Variants in GHDC observed in about 807,000 individuals in gnomAD.
GHDC encodes the protein GH3 domain-containing protein.
A neutral mutation model predicts 51.5 loss-of-function variants in GHDC; 39 were observed. The ratio of observed to expected loss-of-function variants is 0.76; its 90% CI spans 0.59 to 0.99. The LOEUF (loss-of-function observed/expected upper bound fraction) is 0.99, where lower values mean the gene tolerates loss of function less well. Ranked by LOEUF, GHDC falls within the 50% of genes least tolerant of loss-of-function variation. The pLI is 0.00. For missense variants in GHDC, 610 were observed against 672.8 expected (o/e 0.91, Z 1.03); for synonymous variants, 282 against 305.2 (o/e 0.92, Z 0.79).
At chr17:42,190,440 GA>G (rs2079959278) in intron 8 of GHDC, 170 bp from the exon 9 acceptor site, 1 of 1,470,934 alleles carries the variant, frequency 6.8e-7, no homozygotes, top group Admixed American at 2.3e-5. Context: ...TCCTAAATAG[GA>G]GACAGATCAG....
At position 42,191,046 on chromosome 17, in the gene GHDC, C is replaced by T. The variant is rs2079964796; in HGVS notation, c.1054G>A (p.Val352Met). Residue 352 changes from valine (V) to methionine (M), a missense_variant, in exon 6 of 10, where the codon GTG (valine) becomes ATG (methionine). By Grantham distance (21) the Val-to-Met change is conservative. This residue lies in a region of GHDC where 412 missense variants were observed against 410.4 expected (regional missense o/e 1.00). Coordinates refer to ENST00000587427, the MANE Select transcript of GHDC (RefSeq NM_032484.5). The part of the protein sequence containing the change: ...EAQQGKEYEL[V>M]LTDRASLTRC... The stretch of plus-strand genomic sequence containing the variant: ...GTGAGGCTGGCGCGGTCCGTCAGCA[C>T]CAGCTCATACTCCTTGCCCTGCTGG... 11 of 1,584,860 alleles carry T rather than the reference C, an allele frequency of 6.9e-6. No individual in the cohort carries two copies. Among genetic ancestry groups the T allele is most frequent in the Non-Finnish European group, 9.4e-6 (11 of 1,166,430 alleles).
At chr17:42,190,435 A>T (rs2079959228) in intron 8 of GHDC, 165 bp from the exon 9 acceptor site, 2 of 1,478,452 alleles carry the variant, frequency 1.4e-6, no homozygotes, top group South Asian at 2.6e-5. Flanking sequence ...CTTGATCCTA[A>T]ATAGGAGACA....
Position 42,192,927 on chromosome 17 carries a change from G to T in GHDC, c.366C>A (p.Asp122Glu), listed in dbSNP as rs1410370155. 6.2e-7 allele frequency: 1 copy of T among 1,614,112 alleles called. No homozygotes were observed. The highest frequency in any genetic ancestry group is 2.2e-5 in the East Asian group (1 of 44,878). The change falls in exon 4 of 10, where the codon GAC becomes GAA. Residue 122 changes from aspartate to glutamate, a missense_variant. Around this residue, in one of 2 missense-constraint regions of GHDC, gnomAD observed 198 missense variants for 262.3 expected, o/e 0.75. Coordinates refer to ENST00000587427, the MANE Select transcript of GHDC (RefSeq NM_032484.5). ...TTACCTGCAGAGAGGCCTCCCCAAG[G>T]TCCTGGTTTGAGGTCGGGGGCAGTG... ...EQPLPPTSNQ[D>E]LGEASLQATL...
chr17:42,190,550 A>G (rs2079959830), intron 8 of GHDC, 74 bp downstream of exon 8: 1 of 1,516,294 alleles, frequency 6.6e-7, no homozygotes. Flanking sequence ...CTTTCCTAGC[A>G]GTCCCCTGGC....
At position 42,191,230 on chromosome 17, in the gene GHDC, T is replaced by A. The variant is rs995290997; in HGVS notation, c.890-20A>T. On this transcript the variant is annotated intron_variant, in intron 5 of 9. Coordinates refer to ENST00000587427, the MANE Select transcript of GHDC (RefSeq NM_032484.5). ...GCACCCCTGTGAAAGCAAAGCAGCCTCCTCAGCGTCTGCTGGTGCCATCGC... is the reference window on the plus strand; with the variant it reads ...GCACCCCTGTGAAAGCAAAGCAGCCACCTCAGCGTCTGCTGGTGCCATCGC... The A allele has an allele frequency of 1.3e-6, 2 of 1,481,878 alleles. No individual in the cohort carries two copies. Among genetic ancestry groups the A allele is most frequent in the Admixed American group, 5.3e-5 (2 of 37,952 alleles). 91.8% of individuals were successfully genotyped at this position (1,481,878 alleles called of 1,614,324 possible).
chr17:42,192,200 T>C (rs776563439), intron 5 of GHDC, 41 bp downstream of exon 5: 1 of 1,510,654 alleles, frequency 6.6e-7, no homozygotes, highest in South Asian at 1.4e-5. Context: ...ATGTGACCAC[T>C]GACCGTTGCC....
chr17:42,189,665 G>A lies in GHDC; in HGVS notation c.*38C>T. On this transcript the variant is annotated 3_prime_UTR_variant, in exon 10 of 10. Transcript: ENST00000587427. Reference sequence around the variant, plus strand: ...AGGTCCCAGAGGGAGGGGCGAGGTGGCCTCTGGGGGGAGCTGGGCGGTGGG... The same window carrying A: ...AGGTCCCAGAGGGAGGGGCGAGGTGACCTCTGGGGGGAGCTGGGCGGTGGG... The A allele has an allele frequency of 9.0e-7, 1 of 1,114,180 alleles. No individual in the cohort carries two copies. 69.0% of individuals were successfully genotyped at this position (1,114,180 alleles called of 1,614,324 possible).
In GHDC at chr17:42,190,881, G is replaced by C; in HGVS notation, c.1105C>G (p.Arg369Gly). The change falls in exon 7 of 10, where the codon CGA (arginine) becomes GGA (glycine). Residue 369 changes from arginine to glycine, a missense_variant. Arg to Gly is a moderately radical substitution (Grantham distance 125). Transcript: ENST00000587427. ...CACTGATTGTAGGCACCAACCACTC[G>C]CACCACATCACCCAGGCGGCACCTG... ...LTRCRLGDVV[R>G]VVGAYNQCPV... is the part of the protein sequence containing the mutation. 1 of 1,610,382 alleles carries C rather than the reference G, an allele frequency of 6.2e-7. No homozygotes were observed. The highest frequency in any genetic ancestry group is 8.5e-7 in the Non-Finnish European group (1 of 1,178,888).
chr17:42,192,484 C>T lies in GHDC; in HGVS notation c.646G>A (p.Asp216Asn), dbSNP rs1351416432. The change falls in exon 5 of 10, where the codon GAT (aspartate) becomes AAT (asparagine). Residue 216 changes from aspartate (D) to asparagine (N), a missense_variant. This residue lies in a region of GHDC where 412 missense variants were observed against 410.4 expected (regional missense o/e 1.00). Coordinates refer to ENST00000587427, the MANE Select transcript of GHDC (RefSeq NM_032484.5). ...ATCGCCCCAGCTAGCTCTTCACCAT[C>T]AGTCTCCAGGCCCAAGAAAACATCC... Reference protein sequence around the residue: ...LLDVFLGLETDGEELAGAIAA... With the variant: ...LLDVFLGLETNGEELAGAIAA... 6 of 1,613,752 alleles carry T rather than the reference C, an allele frequency of 3.7e-6. No individual in the cohort carries two copies. Among genetic ancestry groups the T allele is most frequent in the Non-Finnish European group, 4.2e-6 (5 of 1,180,034 alleles).
chr17:42,190,425 C>T (rs2079959124), intron 8 of GHDC, 155 bp from the exon 9 acceptor site: 7 of 1,505,876 alleles, frequency 4.6e-6, no homozygotes, highest in Non-Finnish European at 6.3e-6. Context: ...GAACCTAGAG[C>T]TTGATCCTAA....
In GHDC at chr17:42,193,025, T is replaced by C. The variant is rs761831641; in HGVS notation, c.268A>G (p.Ile90Val). 22 of 1,614,008 alleles carry C rather than the reference T, an allele frequency of 1.4e-5. No homozygotes were observed. In the East Asian group the frequency reaches 4.7e-4, roughly 34 times the overall value. ...PHCSLRRSTDISTFRNHLPLT... is the reference protein window; with the variant it reads ...PHCSLRRSTDVSTFRNHLPLT... ...GGGAGATGATTCCGGAAGGTGCTTA[T>C]GTCTATAGCCCCAATGACAACAGAA... Residue 90 changes from isoleucine to valine, a missense_variant and splice_region_variant, in exon 4 of 10, where the codon ATA becomes GTA. This residue lies in a region of GHDC where 198 missense variants were observed against 262.3 expected (regional missense o/e 0.75). Transcript: ENST00000587427.
At chr17:42,192,818 A>C in intron 4 of GHDC, 76 bp from the exon 5 acceptor site, 1 of 1,559,716 alleles carries the variant, frequency 6.4e-7, no homozygotes, top group Non-Finnish European at 8.6e-7. Flanking sequence ...TTCTTTGCCC[A>C]CCATGACTGG....
At position 42,191,143 on chromosome 17, in the gene GHDC, G is replaced by T; in HGVS notation, c.957C>A (p.Pro319=). ...CCTTGACTGGGAGCAGCTCGATAAA[G>T]GGGGCCCCAGGGGGCAGAAGGTAGA... ...HGLYLLPPGA[P]FIELLPVKEG... is the part of the protein sequence containing the mutation. The change falls in exon 6 of 10, where the codon CCC becomes CCA. Residue 319 remains proline (P), a synonymous_variant. Transcript: ENST00000587427. 1.3e-6 allele frequency: 2 copies of T among 1,551,430 alleles called. No homozygotes were observed. The highest frequency in any genetic ancestry group is 1.7e-6 in the Non-Finnish European group (2 of 1,152,766).
chr17:42,193,510 G>C lies in GHDC; in HGVS notation c.72C>G (p.Ser24=). ...PTLALLRQQR[S]QDARLSWLAG... is the part of the protein sequence containing the mutation. ...CAAGCCAGGACAGCCTGGCATCCTG[G>C]GACCGCTGCTGCCTGAGCAGGGCCA... is the stretch of plus-strand genomic sequence containing the variant. Residue 24 remains serine, a synonymous_variant, in exon 3 of 10, where the codon TCC becomes TCG. Coordinates refer to ENST00000587427, the MANE Select transcript of GHDC (RefSeq NM_032484.5). 1 of 1,551,422 alleles carries C rather than the reference G, an allele frequency of 6.4e-7. No individual in the cohort carries two copies. Among genetic ancestry groups the C allele is most frequent in the Non-Finnish European group, 8.7e-7 (1 of 1,148,420 alleles).
At chr17:42,193,986 C>T (rs532983557) in intron 1 of GHDC, 136 bp from the exon 2 acceptor site, 29 of 193,788 alleles carry the variant, frequency 1.5e-4, no homozygotes, top group Admixed American at 8.6e-4. Flanking sequence ...AGTTTGCAAC[C>T]GGCCTGAGCA....
intron 5 of GHDC, among the ~76,000 whole-genome samples, chr17:42,191,602 C>T (rs964361109): frequency 6.6e-6 from 1 of 151,452 alleles, no homozygotes. Flanking sequence ...AGATTACAGG[C>T]GCCTGCCACC....
At chr17:42,190,400 G>A (rs771844437) in intron 8 of GHDC, 130 bp from the exon 9 acceptor site, 15 of 1,550,240 alleles carry the variant, frequency 9.7e-6, no homozygotes, top group Non-Finnish European at 1.2e-5. Flanking sequence ...GGTGGGGAGT[G>A]GGGTAAATGG....
rs768790118 is a variant in GHDC at position 42,190,819 on chromosome 17, C to T, written c.1154+13G>A. On this transcript the variant is annotated intron_variant, in intron 7 of 9. Coordinates refer to ENST00000587427, the MANE Select transcript of GHDC (RefSeq NM_032484.5). ...ACACAAGGATGGCCCTTCAGCTCCCCGGGGTCACCTACCTGCAGATGAACC... is the reference window on the plus strand; with the variant it reads ...ACACAAGGATGGCCCTTCAGCTCCCTGGGGTCACCTACCTGCAGATGAACC... 43 of 1,613,552 alleles carry T rather than the reference C, an allele frequency of 2.7e-5. No individual in the cohort carries two copies. The South Asian group carries it at 3.2e-4, about 12-fold the overall frequency.
Position 42,191,174 on chromosome 17 carries a change from TG to T in GHDC, c.925del (p.His309MetfsTer45). 6.5e-7 allele frequency: 1 copy of T among 1,546,338 alleles called. No homozygotes were observed. ...CCCAGGGGGCAGAAGGTAGAGCCCA[TG>T]GGGCTGCTCTGGCTGTAGGTTTAGG... ...LGLNLQPEQPHGLYLLPPGAP... is the reference protein window; with the variant it reads ...LGLNLQPEQPXGLYLLPPGAP... On this transcript the variant is annotated frameshift_variant, in exon 6 of 10. Coordinates refer to ENST00000587427, the MANE Select transcript of GHDC (RefSeq NM_032484.5). LOFTEE classifies it high-confidence loss of function.
Sources: allele counts gnomAD v4.1 joint callset (sites outside exome capture counted in the v4.1 genomes callset), GRCh38; gene constraint gnomAD v4.1.1; regional missense constraint gnomAD v4.1.1; transcripts MANE v1.5; gene names NCBI Gene and HGNC (gene_info 2026-07-23, HGNC 2026-07-21).